MYO16: variants seen among roughly 807,000 people sequenced by gnomAD.
The protein encoded by MYO16 is myosin XVI, also known as unconventional myosin-XVI.
MYO16 carries 94 observed loss-of-function variants against 205.3 expected under a neutral mutation model. That is an observed-to-expected ratio of 0.46 (90% CI 0.39 to 0.54). The LOEUF is 0.54. Ranked by LOEUF, MYO16 falls within the 20% of genes least tolerant of loss-of-function variation. The probability of loss-of-function intolerance (pLI) is 0.00; values close to 1 mark genes in which losing one functional copy is unlikely to be tolerated. For missense variants in MYO16, 2,315 were observed against 2,387.5 expected (o/e 0.97, Z 0.63); for synonymous variants, 988 against 954.0 (o/e 1.04, Z -0.66).
intron 3 of MYO16, among the ~76,000 whole-genome samples, chr13:108,726,093 G>A (rs1389220723): frequency 1.3e-5 from 2 of 152,134 alleles, no homozygotes; most frequent in Non-Finnish European, 1.5e-5. Context: ...CTTCCAGTGG[G>A]ATATTGATTG....
intron 32 of MYO16, among the ~76,000 whole-genome samples, chr13:109,142,875 G>A (rs1223454137): frequency 1.3e-5 from 2 of 152,084 alleles, no homozygotes; most frequent in African/African-American, 4.8e-5. Flanking sequence ...GTGTACTTTT[G>A]TTGTCGTTAA....
At chr13:108,723,852 T>TAA (rs149187547) in intron 3 of MYO16, among the ~76,000 whole-genome samples, 1 of 151,196 alleles carries the variant, frequency 6.6e-6, no homozygotes, top group African/African-American at 2.4e-5. Flanking sequence ...TCAATATCTA[T>TAA]AAAAAAAAAC....
intron 5 of MYO16, among the ~76,000 whole-genome samples, chr13:108,790,119 T>G (rs1886572533): frequency 1.3e-5 from 2 of 152,282 alleles, no homozygotes; most frequent in East Asian, 3.9e-4. Flanking sequence ...GCGCAGATCC[T>G]CCCACAACTC....
At chr13:108,632,032 C>A (rs1435360028) in intron 1 of MYO16, among the ~76,000 whole-genome samples, 1 of 145,562 alleles carries the variant, frequency 6.9e-6, no homozygotes. Flanking sequence ...GAGCTGAGAT[C>A]GCGCCATTGC....
intron 23 of MYO16, among the ~76,000 whole-genome samples, chr13:109,043,238 CAG>C (rs1886936014): frequency 6.6e-6 from 1 of 152,158 alleles, no homozygotes; most frequent in South Asian, 2.1e-4. Flanking sequence ...CTGGCTGCTG[CAG>C]AGACAGAACT....
chr13:108,907,368 G>T (rs897752098), intron 15 of MYO16, among the ~76,000 whole-genome samples: 2 of 152,160 alleles, frequency 1.3e-5, no homozygotes, highest in African/African-American at 4.8e-5. Flanking sequence ...CTAGTCAAAA[G>T]TATTTCTGAC....
intron 3 of MYO16, among the ~76,000 whole-genome samples, chr13:108,725,041 G>A (rs549191862): frequency 6.6e-6 from 1 of 151,868 alleles, no homozygotes; most frequent in East Asian, 1.9e-4. Flanking sequence ...TTATGTTGCT[G>A]CTTTGGATTT....
intron 7 of MYO16, among the ~76,000 whole-genome samples, chr13:108,816,551 T>A (rs1455483739): frequency 6.6e-6 from 1 of 152,176 alleles, no homozygotes; most frequent in East Asian, 1.9e-4. Context: ...AACCGCAAGG[T>A]CACACGATCC....
intron 2 of MYO16, among the ~76,000 whole-genome samples, chr13:108,708,038 A>G (rs1322570516): frequency 6.6e-6 from 1 of 152,154 alleles, no homozygotes; most frequent in Non-Finnish European, 1.5e-5. Flanking sequence ...GCCTGTGTGT[A>G]TTATTACAAT....
rs544705516 is a variant in MYO16, at chr13:109,083,729, G to T, written c.3336-17056G>T. ...AGTGTTTCAATGTTTATAAGGGCAG[G>T]TTCCTTGTAAATCTCTCAAGTGTGC... On this transcript the variant is annotated intron_variant, in intron 27 of 34. Coordinates refer to ENST00000457511, the MANE Select transcript of MYO16 (RefSeq NM_001198950.3). 5.9e-5 allele frequency among the ~76,000 whole-genome samples: 9 copies of T among 152,246 alleles called. No individual in the cohort carries two copies. In the South Asian group the frequency reaches 1.2e-3, roughly 21 times the overall value.
chr13:109,047,190 G>T (rs975211845), intron 24 of MYO16, among the ~76,000 whole-genome samples, 199 bp downstream of exon 24: 3 of 152,046 alleles, frequency 2.0e-5, no homozygotes, highest in African/African-American at 7.2e-5. Flanking sequence ...GGAGTCCAAT[G>T]GAAACCATAA....
At chr13:108,908,151 A>G (rs74119455) in intron 15 of MYO16, among the ~76,000 whole-genome samples, 7,809 of 152,240 alleles carry the variant, frequency 0.051, 682 homozygotes, top group African/African-American at 0.18. Context: ...TCAAGCACAC[A>G]TGCTCATCCA....
chr13:108,820,291 G>T (rs944419444), intron 7 of MYO16, 46 bp from the exon 8 acceptor site: 2 of 1,398,620 alleles, frequency 1.4e-6, no homozygotes, highest in African/African-American at 1.4e-5. Flanking sequence ...ATGTATCCTA[G>T]CTTCTGCCAT....
chr13:108,767,213 C>A (rs1885807635), intron 4 of MYO16, among the ~76,000 whole-genome samples: 1 of 152,112 alleles, frequency 6.6e-6, no homozygotes, highest in South Asian at 2.1e-4. Context: ...CGCCATTCTC[C>A]TGCCTCAGTC....
rs187773935 is a variant in MYO16 at position 108,599,391 on chromosome 13, G to A, written c.-39+3152G>A. The stretch of plus-strand genomic sequence containing the variant: ...ATGGCTGGGTCGAATGGTGTTTCTA[G>A]TTCTAGATCCCTGAGGAATCGCCAC... On this transcript the variant is annotated intron_variant, in intron 1 of 24. Transcript: ENST00000251041. Among the ~76,000 whole-genome samples the A allele has an allele frequency of 1.7e-4, 25 of 151,350 alleles. No individual in the cohort carries two copies. In the East Asian group the frequency reaches 4.7e-3, roughly 29 times the overall value.
At chr13:109,177,951 T>C (rs79742275) in intron 33 of MYO16, among the ~76,000 whole-genome samples, 14,511 of 152,232 alleles carry the variant, frequency 0.095, 786 homozygotes, top group African/African-American at 0.12. Flanking sequence ...TTTATCTTGC[T>C]TATCAATCAG....
upstream of MYO16, among the ~76,000 whole-genome samples, chr13:108,593,656 G>T (rs567758692): frequency 6.6e-6 from 1 of 152,314 alleles, no homozygotes; most frequent in East Asian, 1.9e-4. Flanking sequence ...ACTAGCTACT[G>T]AGGATATGGA....
intron 16 of MYO16, among the ~76,000 whole-genome samples, chr13:108,936,085 TTTCCTTCC>T (rs56030003): frequency 0.4 from 51,476 of 128,754 alleles, 10,861 homozygotes; most frequent in Non-Finnish European, 0.46. Flanking sequence ...TTGGCTATAG[TTTCCTTCC>T]TTCCTTCCTT....
At chr13:109,044,290 T>G (rs1262972122) in intron 23 of MYO16, among the ~76,000 whole-genome samples, 1 of 152,152 alleles carries the variant, frequency 6.6e-6, no homozygotes, top group Non-Finnish European at 1.5e-5. Flanking sequence ...CCAGTGGGAA[T>G]GAAAAGCATG....
Sources: gnomAD v4.1 joint callset for allele counts (sites outside exome capture counted in the v4.1 genomes callset) on GRCh38, gnomAD v4.1.1 for gene constraint, MANE v1.5 for transcripts, NCBI Gene and HGNC (gene_info 2026-07-23, HGNC 2026-07-21) for gene names.